SEMA4B: variants seen among roughly 807,000 people sequenced by gnomAD.
SEMA4B encodes semaphorin-4B.
A neutral mutation model predicts 88.1 loss-of-function variants in SEMA4B; 55 were observed. The observed-to-expected ratio is 0.62, with a 90% CI of 0.50 to 0.78. The LOEUF is 0.78. Among genes scored for constraint, SEMA4B ranks in the 30% least tolerant of loss-of-function variants. The probability of loss-of-function intolerance (pLI) is 0.00; values close to 1 mark genes in which losing one functional copy is unlikely to be tolerated. For missense variants in SEMA4B, 1,062 were observed against 1,111.9 expected (o/e 0.96, Z 0.64); for synonymous variants, 525 against 473.6 (o/e 1.11, Z -1.41).
At chr15:90,189,365 G>A (rs1423300263) in intron 1 of SEMA4B, among the ~76,000 whole-genome samples, 2 of 152,168 alleles carry the variant, frequency 1.3e-5, no homozygotes, top group Non-Finnish European at 2.9e-5. Flanking sequence ...TCTGAGTTGT[G>A]GTCCTAGTCC....
At chr15:90,210,600 G>T (rs1397022207) in intron 1 of SEMA4B, among the ~76,000 whole-genome samples, 1 of 152,218 alleles carries the variant, frequency 6.6e-6, no homozygotes, top group Non-Finnish European at 1.5e-5. Flanking sequence ...GCCTTGTGAG[G>T]ATGACATGAC....
intron 1 of SEMA4B, among the ~76,000 whole-genome samples, chr15:90,185,957 G>A (rs892310369): frequency 1.6e-5 from 2 of 128,648 alleles, no homozygotes; most frequent in African/African-American, 5.9e-5. Context: ...TTTTTGAGAC[G>A]GAGTCTTGCT....
At chr15:90,192,723 A>G (rs1445990982) in intron 1 of SEMA4B, among the ~76,000 whole-genome samples, 6 of 150,888 alleles carry the variant, frequency 4.0e-5, no homozygotes, top group Non-Finnish European at 7.4e-5. Context: ...CCCGAGTAGC[A>G]GGGATTACAG....
intron 7 of SEMA4B, 45 bp from the exon 8 acceptor site, chr15:90,223,514 G>T (rs756621106): frequency 6.6e-7 from 1 of 1,503,892 alleles, no homozygotes; most frequent in Non-Finnish European, 8.9e-7. Flanking sequence ...TCCCCGTCAT[G>T]GCTCAGCATG....
At chr15:90,207,088 C>T in intron 1 of SEMA4B, 1 of 304,338 alleles carries the variant, frequency 3.3e-6, no homozygotes, top group Non-Finnish European at 6.3e-6. Context: ...TAAGGGGTGG[C>T]TCCTGCCCTG....
rs1543116 is a variant in SEMA4B at position 90,217,759 on chromosome 15, T to C, written c.322-8T>C. The C allele has an allele frequency of 0.35, 561,137 of 1,610,618 alleles. 100,207 individuals are homozygous for C. The highest frequency in any genetic ancestry group is 0.5 in the African/African-American group (37,725 of 74,796). ...TTGTCCACTACCTTCCCCTTTCTCA[T>C]TCCCCAGCTGCTTTGGGGTGCAGAC... On this transcript the variant is annotated splice_polypyrimidine_tract_variant and splice_region_variant and intron_variant, in intron 2 of 13. Coordinates refer to ENST00000411539, the MANE Select transcript of SEMA4B (RefSeq NM_198925.4).
intron 4 of SEMA4B, chr15:90,220,367 C>CT (rs1320090623): frequency 0.012 from 1,549 of 125,206 alleles, 46 homozygotes; most frequent in Middle Eastern, 0.029. Flanking sequence ...TTTTTCTTTT[C>CT]TTTTTTTTTT....
At chr15:90,185,267 C>A (rs1356254118) in intron 1 of SEMA4B, among the ~76,000 whole-genome samples, 1 of 152,256 alleles carries the variant, frequency 6.6e-6, no homozygotes, top group African/African-American at 2.4e-5. Context: ...GAGCCTGTTG[C>A]CATGGCAGCG....
rs760722477 is a variant in SEMA4B, at chr15:90,221,668, G to A, written c.764G>A (p.Gly255Asp). ...CCTGAGAGCCTGGGCAGCTTGCAAG[G>A]CGATGATGACAAGATCTACTTTTTC... is the stretch of plus-strand genomic sequence containing the variant. ...YIPESLGSLQ[G>D]DDDKIYFFFS... is the part of the protein sequence containing the mutation. The change falls in exon 7 of 14, where the codon GGC (glycine) becomes GAC (aspartate). Residue 255 changes from glycine to aspartate, a missense_variant. Physicochemically the swap from Gly to Asp is moderately conservative, Grantham distance 94. Coordinates refer to ENST00000411539, the MANE Select transcript of SEMA4B (RefSeq NM_198925.4). 2 of 1,614,028 alleles carry A rather than the reference G, an allele frequency of 1.2e-6. No homozygotes were observed. The highest frequency in any genetic ancestry group is 1.7e-6 in the Non-Finnish European group (2 of 1,179,900).
At position 90,225,729 on chromosome 15, in the gene SEMA4B, G is replaced by A. The variant is rs777163451; in HGVS notation, c.1590G>A (p.Arg530=). 34 of 1,572,596 alleles carry A rather than the reference G, an allele frequency of 2.2e-5. No homozygotes were observed. The highest frequency in any genetic ancestry group is 2.9e-5 in the Non-Finnish European group (34 of 1,160,020). The change falls in exon 12 of 14, where the codon AGG becomes AGA. Residue 530 remains arginine, a synonymous_variant. Coordinates refer to ENST00000411539, the MANE Select transcript of SEMA4B (RefSeq NM_198925.4). ...QVPMANCSLY[R]SCGDCLLARD... ...CCATGGCCAACTGCAGCCTGTACAG[G>A]AGCTGTGGGGACTGCCTCCTCGCCC...
chr15:90,188,009 A>G (rs1960215817), intron 1 of SEMA4B, among the ~76,000 whole-genome samples: 1 of 150,952 alleles, frequency 6.6e-6, no homozygotes, highest in African/African-American at 2.4e-5. Flanking sequence ...CATCTCAAAA[A>G]AAAAAAAAAA....
intron 1 of SEMA4B, among the ~76,000 whole-genome samples, chr15:90,207,992 C>T (rs143463457): frequency 0.011 from 1,709 of 152,318 alleles, 37 homozygotes; most frequent in African/African-American, 0.039. Context: ...GTGGCTCACG[C>T]CTATAATCCC....
At position 90,217,566 on chromosome 15, in the gene SEMA4B, C is replaced by T. The variant is rs1056666544; in HGVS notation, c.285C>T (p.Ser95=). 2.7e-5 allele frequency: 44 copies of T among 1,613,840 alleles called. No individual in the cohort carries two copies. The highest frequency in any genetic ancestry group is 3.6e-5 in the Non-Finnish European group (42 of 1,179,886). ...GAGAGGCCCTCTTTGCACTCAGTAG[C>T]AACCTCAGCTTCCTGCCAGGCGGGG... ...GAREALFALS[S]NLSFLPGGEY... Residue 95 remains serine (S), a synonymous_variant, in exon 2 of 14, where the codon AGC becomes AGT. Transcript: ENST00000411539.
chr15:90,226,389 G>A (rs1034618939), intron 12 of SEMA4B, among the ~76,000 whole-genome samples: 1 of 152,146 alleles, frequency 6.6e-6, no homozygotes, highest in African/African-American at 2.4e-5. Flanking sequence ...CGCCCAGGCT[G>A]GAGTGCAGTG....
rs1474774539 is a variant in SEMA4B, at chr15:90,194,487, A to ACTCCAT, written c.-121-6971_-121-6970insCTCCAT. Among the ~76,000 whole-genome samples the ACTCCAT allele has an allele frequency of 9.9e-5, 15 of 152,224 alleles. No individual in the cohort carries two copies. In the East Asian group the frequency reaches 2.7e-3, roughly 27 times the overall value. The stretch of plus-strand genomic sequence containing the variant: ...GCAGAGGTTGCAGTGAGCTGATATC[A>ACTCCAT]TGCCATTGCACTCCAGCCTGGGCAA... On this transcript the variant is annotated intron_variant, in intron 1 of 14. Coordinates refer to the SEMA4B transcript ENST00000332496.
chr15:90,204,211 C>T (rs1045571686), intron 1 of SEMA4B, among the ~76,000 whole-genome samples: 4 of 152,180 alleles, frequency 2.6e-5, no homozygotes, highest in Non-Finnish European at 5.9e-5. Context: ...TTGCATGCAT[C>T]TTAGGAGAAA....
upstream of SEMA4B, among the ~76,000 whole-genome samples, chr15:90,197,930 A>G (rs181988165): frequency 6.3e-5 from 9 of 143,134 alleles, no homozygotes; most frequent in African/African-American, 2.3e-4. Context: ...TAATTAATTA[A>G]TTTTTTTTTT....
In SEMA4B at chr15:90,212,401, C is replaced by T. The variant is rs548056880; in HGVS notation, c.158-5038C>T. Among the ~76,000 whole-genome samples, 5 of 152,286 alleles carry T rather than the reference C, an allele frequency of 3.3e-5. No homozygotes were observed. The highest frequency in any genetic ancestry group is 1.9e-4 in the East Asian group (1 of 5,176). On this transcript the variant is annotated intron_variant, in intron 1 of 13. Coordinates refer to ENST00000411539, the MANE Select transcript of SEMA4B (RefSeq NM_198925.4). The surrounding 1 kb of genome is among the most constrained non-coding windows in gnomAD (Gnocchi z 4.0). ...AAACCGGCCGCAGCCTCGGCGTGCC[C>T]TGCTTTCTTCATACTGGACTAACCC...
At chr15:90,188,311 G>A (rs1422573202) in intron 1 of SEMA4B, among the ~76,000 whole-genome samples, 1 of 151,662 alleles carries the variant, frequency 6.6e-6, no homozygotes, top group Non-Finnish European at 1.5e-5. Context: ...GTGGCACAGT[G>A]AGACACTGTC....
Sources: gnomAD v4.1 joint callset for allele counts (sites outside exome capture counted in the v4.1 genomes callset) on GRCh38, gnomAD v4.1.1 for gene constraint, Gnocchi (gnomAD v3.1) non-coding constraint, MANE v1.5 for transcripts, NCBI Gene and HGNC (gene_info 2026-07-23, HGNC 2026-07-21) for gene names.